The following CLDN20 variants were observed in gnomAD, a reference collection of about 807,000 sequenced individuals.
The protein encoded by CLDN20 is claudin 20, also known as claudin-20.
For missense variants in CLDN20, 258 were observed against 267.9 expected, an observed-to-expected ratio of 0.96 and a Z score of 0.26; for synonymous variants, 104 against 103.6, an observed-to-expected ratio of 1.00 and a Z score of -0.03.
chr6:155,269,902 C>G (rs1482884213), intron 1 of CLDN20, among the ~76,000 whole-genome samples: 1 of 152,176 alleles, frequency 6.6e-6, no homozygotes. Context: ...TATTGTATCC[C>G]TACTATGTGC....
chr6:155,265,430 C>T (rs538045167), intron 1 of CLDN20, among the ~76,000 whole-genome samples: 1 of 152,204 alleles, frequency 6.6e-6, no homozygotes, highest in African/African-American at 2.4e-5. Flanking sequence ...ACGGACTAGA[C>T]ATCACACTGA....
At chr6:155,271,038 A>C (rs1784893001) in intron 1 of CLDN20, among the ~76,000 whole-genome samples, 1 of 152,236 alleles carries the variant, frequency 6.6e-6, no homozygotes, top group Admixed American at 6.5e-5. Context: ...AGAAAAGAGG[A>C]AAAAGAGTAT....
chr6:155,273,495 C>T (rs1041002622), intron 1 of CLDN20, among the ~76,000 whole-genome samples: 3 of 152,330 alleles, frequency 2.0e-5, no homozygotes, highest in South Asian at 4.1e-4. Context: ...AGGCATCAAT[C>T]TCCTTGCCGA....
Position 155,269,324 on chromosome 6 carries a change from C to CTTTTT in CLDN20, c.-105+5047_-105+5051dup, listed in dbSNP as rs60162262. Among the ~76,000 whole-genome samples, 346 of 127,208 alleles carry CTTTTT rather than the reference C, an allele frequency of 2.7e-3. 7 individuals are homozygous for CTTTTT. Among genetic ancestry groups the CTTTTT allele is most frequent in the African/African-American group, 5.6e-3 (187 of 33,576 alleles). The allele number at this position is 127,208 out of a possible 152,430, so 83.5% of individuals were successfully genotyped here. A position where few individuals can be genotyped will look rare whatever the true frequency, so the allele number is the denominator to read the frequency against. On this transcript the variant is annotated intron_variant, in intron 1 of 1. Transcript: ENST00000367165. Reference sequence around the variant, plus strand: ...GCTTAGTTTTCTTTTCTTTTCTTTTCTTTTTTTTTTTTTTTGAGATGGAGT... The same window carrying CTTTTT: ...GCTTAGTTTTCTTTTCTTTTCTTTTCTTTTTTTTTTTTTTTTTTTTGAGATGGAGT...
chr6:155,266,625 T>A (rs1182569839), intron 1 of CLDN20, among the ~76,000 whole-genome samples: 1 of 151,754 alleles, frequency 6.6e-6, no homozygotes, highest in Non-Finnish European at 1.5e-5. Flanking sequence ...AGCGGGCGAA[T>A]CATGAGGTCA....
chr6:155,275,976 T>G lies in CLDN20; in HGVS notation c.257T>G (p.Leu86Arg), dbSNP rs144781507. 77 of 1,614,102 alleles carry G rather than the reference T, an allele frequency of 4.8e-5. No individual in the cohort carries two copies. Among genetic ancestry groups the G allele is most frequent in the Non-Finnish European group, 6.5e-5 (77 of 1,180,048 alleles). Residue 86 changes from leucine to arginine, a missense_variant, in exon 2 of 2, where the codon CTG becomes CGG. Coordinates refer to ENST00000367165, the MANE Select transcript of CLDN20 (RefSeq NM_001001346.3). The part of the protein sequence containing the change: ...HVQAARATMV[L>R]ACVLSALGIC... ...CAGGCTGCGAGAGCCACCATGGTCC[T>G]GGCGTGTGTTCTGTCTGCTTTGGGG...
intron 1 of CLDN20, among the ~76,000 whole-genome samples, chr6:155,268,753 T>C (rs1784779794): frequency 6.6e-6 from 1 of 151,072 alleles, no homozygotes. Flanking sequence ...GAAGGCAGCA[T>C]GCTTGCTAAG....
chr6:155,267,947 G>T (rs1171869057), intron 1 of CLDN20, among the ~76,000 whole-genome samples: 1 of 152,172 alleles, frequency 6.6e-6, no homozygotes, highest in East Asian at 1.9e-4. Flanking sequence ...TCTGTAATTT[G>T]TCCACTGAAA....
chr6:155,271,475 A>C (rs1784912148), intron 1 of CLDN20, among the ~76,000 whole-genome samples: 1 of 152,228 alleles, frequency 6.6e-6, no homozygotes, highest in African/African-American at 2.4e-5. Flanking sequence ...CACACACACA[A>C]AAATACCTGT....
chr6:155,265,946 A>G (rs1364388926), intron 1 of CLDN20, among the ~76,000 whole-genome samples: 1 of 151,880 alleles, frequency 6.6e-6, no homozygotes, highest in East Asian at 1.9e-4. Context: ...CCAGCACGTG[A>G]GAAAAGATGT....
intron 1 of CLDN20, among the ~76,000 whole-genome samples, chr6:155,273,706 G>A (rs961698042): frequency 7.2e-5 from 11 of 152,254 alleles, no homozygotes; most frequent in Admixed American, 2.0e-4. Flanking sequence ...GAAAGGATGC[G>A]GGATGACCCT....
At chr6:155,270,763 G>T (rs868464889) in intron 1 of CLDN20, among the ~76,000 whole-genome samples, 1 of 152,138 alleles carries the variant, frequency 6.6e-6, no homozygotes, top group Non-Finnish European at 1.5e-5. Flanking sequence ...CAACCATGGC[G>T]ACCAGCGAAA....
At position 155,266,270 on chromosome 6, in the gene CLDN20, T is replaced by A. The variant is rs139635946; in HGVS notation, c.-105+1982T>A. ...TGAAAAATACAAGGATGGGGCTCCA[T>A]CCCAGAAAATTAAATAAAAGCCACT... On this transcript the variant is annotated intron_variant, in intron 1 of 1. Coordinates refer to ENST00000367165, the MANE Select transcript of CLDN20 (RefSeq NM_001001346.3). Among the ~76,000 whole-genome samples the A allele has an allele frequency of 5.2e-3, 786 of 152,276 alleles. 4 individuals carry two copies. Among genetic ancestry groups the A allele is most frequent in the African/African-American group, 0.018 (746 of 41,540 alleles).
Position 155,275,728 on chromosome 6 carries a change from A to C in CLDN20, c.9A>C (p.Ser3=), listed in dbSNP as rs1469274860. Residue 3 remains serine (S), a synonymous_variant, in exon 2 of 2, where the codon TCA becomes TCC. Coordinates refer to ENST00000367165, the MANE Select transcript of CLDN20 (RefSeq NM_001001346.3). MA[S]AGLQLLAFIL... Reference sequence around the variant, plus strand: ...GACTTAACAGTAACATCATGGCCTCAGCAGGACTCCAGCTCCTTGCTTTCA... The same window carrying C: ...GACTTAACAGTAACATCATGGCCTCCGCAGGACTCCAGCTCCTTGCTTTCA... 6.2e-7 allele frequency: 1 copy of C among 1,612,968 alleles called. No homozygotes were observed. The highest frequency in any genetic ancestry group is 1.3e-5 in the African/African-American group (1 of 74,928).
At chr6:155,264,382 A>C (rs1562388230) in intron 1 of CLDN20, 94 bp downstream of exon 1, 1 of 152,320 alleles carries the variant, frequency 6.6e-6, no homozygotes, top group East Asian at 1.9e-4. Flanking sequence ...GACAAATGTG[A>C]ATGTAGATCA....
At chr6:155,265,136 C>T (rs376067623) in intron 1 of CLDN20, among the ~76,000 whole-genome samples, 2 of 152,170 alleles carry the variant, frequency 1.3e-5, no homozygotes, top group Non-Finnish European at 2.9e-5. Context: ...GCTGTGCTCC[C>T]GCTTGGGTTT....
rs1785209973 is a variant in CLDN20, at chr6:155,276,277, A to G, written c.558A>G (p.Ile186Met). 6.2e-7 allele frequency: 1 copy of G among 1,614,060 alleles called. No homozygotes were observed. Among genetic ancestry groups the G allele is most frequent in the Non-Finnish European group, 8.5e-7 (1 of 1,179,996 alleles). ...ISGMIFCTSC[I>M]KRNPEARLDP... ...GCATGATTTTCTGCACCTCCTGTAT[A>G]AAAAGGAATCCAGAAGCTAGACTCG... The change falls in exon 2 of 2, where the codon ATA (isoleucine) becomes ATG (methionine). Residue 186 changes from isoleucine (I) to methionine (M), a missense_variant. Transcript: ENST00000367165.
chr6:155,266,326 CA>C (rs1182029711), intron 1 of CLDN20, among the ~76,000 whole-genome samples: 1 of 152,144 alleles, frequency 6.6e-6, no homozygotes, highest in Non-Finnish European at 1.5e-5. Flanking sequence ...GGGGCTTTTC[CA>C]AAGCCCTCGT....
intron 1 of CLDN20, among the ~76,000 whole-genome samples, chr6:155,271,191 A>T (rs1784898962): frequency 1.3e-5 from 2 of 152,196 alleles, no homozygotes; most frequent in Admixed American, 6.5e-5. Context: ...TTAAAAATCC[A>T]ATAATAAAAT....
Sources: gnomAD v4.1 joint callset for allele counts (sites outside exome capture counted in the v4.1 genomes callset) on GRCh38, gnomAD v4.1.1 for gene constraint, MANE v1.5 for transcripts, NCBI Gene and HGNC (gene_info 2026-07-23, HGNC 2026-07-21) for gene names.